The following EDIL3 variants were observed in gnomAD, a reference collection of about 807,000 sequenced individuals.
The protein encoded by EDIL3 is EGF like and discoidin domains 3.
In EDIL3, 37 loss-of-function variants were observed where a neutral mutation model predicts 67.4. That is an observed-to-expected ratio of 0.55 (90% CI 0.42 to 0.72). EDIL3 has a LOEUF of 0.72. Ranked by LOEUF, EDIL3 falls within the 30% of genes least tolerant of loss-of-function variation. The pLI is 0.00. For synonymous variants in EDIL3, 195 were observed against 196.3 expected, an observed-to-expected ratio of 0.99 and a Z score of 0.05; for missense variants, 527 against 586.3, an observed-to-expected ratio of 0.90 and a Z score of 1.04.
At chr5:84,114,544 A>T (rs1052304342) in intron 5 of EDIL3, among the ~76,000 whole-genome samples, 1 of 152,192 alleles carries the variant, frequency 6.6e-6, no homozygotes, top group Non-Finnish European at 1.5e-5. Context: ...GGTGATGTTC[A>T]TCTCTCTCCA....
chr5:84,335,036 T>G (rs1211528970), intron 1 of EDIL3, among the ~76,000 whole-genome samples: 1 of 152,196 alleles, frequency 6.6e-6, no homozygotes, highest in Non-Finnish European at 1.5e-5. Flanking sequence ...GCTAACATAT[T>G]TCACTAAACG....
Position 84,227,130 on chromosome 5 carries a change from G to A in EDIL3, c.226+2725C>T, listed in dbSNP as rs183260869. Among the ~76,000 whole-genome samples the A allele has an allele frequency of 2.3e-3, 346 of 151,994 alleles. 1 individual carries two copies. The highest frequency in any genetic ancestry group is 6.7e-3 in the African/African-American group (280 of 41,494). ...GCTAGAAAATGATGGCTGCTGTCAA[G>A]GATTGACACCCAGAGAGAAAGTCCA... is the stretch of plus-strand genomic sequence containing the variant. On this transcript the variant is annotated intron_variant, in intron 3 of 10. Coordinates refer to ENST00000296591, the MANE Select transcript of EDIL3 (RefSeq NM_005711.5).
In EDIL3 at chr5:84,280,132, A is replaced by T. The variant is rs146149795; in HGVS notation, c.68-25920T>A. ...GTTTCTACATCTTTGCTTTCTATAA[A>T]ATGCCTAGCAAAGAATTGTTTCCTT... is the stretch of plus-strand genomic sequence containing the variant. On this transcript the variant is annotated intron_variant, in intron 1 of 10. Transcript: ENST00000296591. Among the ~76,000 whole-genome samples the T allele has an allele frequency of 3.4e-3, 523 of 152,296 alleles. 1 individual carries two copies. The highest frequency in any genetic ancestry group is 0.011 in the African/African-American group (455 of 41,560).
chr5:84,238,665 GTTT>G (rs3046880), intron 2 of EDIL3, among the ~76,000 whole-genome samples: 4 of 101,110 alleles, frequency 4.0e-5, no homozygotes, highest in Non-Finnish European at 5.5e-5. Flanking sequence ...AAAATTAAAT[GTTT>G]TTTTTTTTTT....
intron 3 of EDIL3, among the ~76,000 whole-genome samples, chr5:84,227,534 C>T (rs1744475622): frequency 6.6e-6 from 1 of 152,096 alleles, no homozygotes; most frequent in East Asian, 1.9e-4. Context: ...TCCCAAAGAA[C>T]TTAAAACAGA....
At chr5:84,303,049 A>G (rs1487280787) in intron 1 of EDIL3, among the ~76,000 whole-genome samples, 1 of 152,166 alleles carries the variant, frequency 6.6e-6, no homozygotes, top group Non-Finnish European at 1.5e-5. Context: ...TATCTAGAAC[A>G]TATCTTTGAG....
At chr5:84,177,457 A>G (rs532738184) in intron 4 of EDIL3, among the ~76,000 whole-genome samples, 19 of 152,316 alleles carry the variant, frequency 1.2e-4, no homozygotes, top group African/African-American at 4.6e-4. Context: ...ATAGGTGTAC[A>G]GGGGATTTTT....
chr5:84,158,182 T>G (rs1352129441), intron 4 of EDIL3, among the ~76,000 whole-genome samples: 1 of 152,064 alleles, frequency 6.6e-6, no homozygotes, highest in Non-Finnish European at 1.5e-5. Flanking sequence ...TCAATTATAT[T>G]GGATAGAGTT....
chr5:84,043,532 C>T (rs1025865434), intron 9 of EDIL3, among the ~76,000 whole-genome samples: 2 of 151,798 alleles, frequency 1.3e-5, no homozygotes, highest in African/African-American at 4.8e-5. Context: ...CATGTTGATG[C>T]AAAAAAAGGC....
At chr5:84,054,413 C>T (rs1746403465) in intron 9 of EDIL3, among the ~76,000 whole-genome samples, 2 of 152,152 alleles carry the variant, frequency 1.3e-5, no homozygotes, top group South Asian at 4.1e-4. Flanking sequence ...CAGGGATGCC[C>T]TCTCTCACCA....
At chr5:84,253,609 A>G (rs1263437256) in intron 2 of EDIL3, among the ~76,000 whole-genome samples, 3 of 152,198 alleles carry the variant, frequency 2.0e-5, no homozygotes, top group African/African-American at 7.2e-5. Flanking sequence ...CATCTGGAAT[A>G]TCCTCTTCTT....
chr5:84,340,554 A>C (rs1374243797), intron 1 of EDIL3, among the ~76,000 whole-genome samples: 103 of 133,998 alleles, frequency 7.7e-4, no homozygotes, highest in Middle Eastern at 3.7e-3. Flanking sequence ...ATATATATAT[A>C]TATATATATA....
At chr5:84,294,257 C>A (rs1580060069) in intron 1 of EDIL3, among the ~76,000 whole-genome samples, 2 of 151,534 alleles carry the variant, frequency 1.3e-5, no homozygotes, top group African/African-American at 4.8e-5. Flanking sequence ...TTGTGGCGGG[C>A]ACCTGTAGTC....
chr5:84,357,517 A>G (rs13152923), intron 1 of EDIL3, among the ~76,000 whole-genome samples: 69,828 of 151,846 alleles, frequency 0.46, 16,230 homozygotes, highest in East Asian at 0.57. Flanking sequence ...TTAAGGTTCT[A>G]TATACTTTTA....
chr5:84,331,948 T>C (rs1037164511), intron 1 of EDIL3, among the ~76,000 whole-genome samples: 2 of 152,188 alleles, frequency 1.3e-5, no homozygotes, highest in Non-Finnish European at 2.9e-5. Context: ...TTGGCAATTA[T>C]GTTGTGAGGC....
At chr5:84,117,722 T>A (rs889850520) in intron 5 of EDIL3, among the ~76,000 whole-genome samples, 14 of 151,736 alleles carry the variant, frequency 9.2e-5, no homozygotes, top group African/African-American at 3.1e-4. Flanking sequence ...ACTTAATACT[T>A]TTTTTTTCAT....
At chr5:84,081,832 TG>T (rs914652919) in intron 6 of EDIL3, among the ~76,000 whole-genome samples, 10 of 151,408 alleles carry the variant, frequency 6.6e-5, no homozygotes, top group African/African-American at 2.2e-4. Context: ...AACAGAGAGA[TG>T]GGGAGGTGCA....
Position 84,167,536 on chromosome 5 carries a change from TTC to T in EDIL3, c.355+12855_355+12856del, listed in dbSNP as rs3836850. On this transcript the variant is annotated intron_variant, in intron 4 of 10. Transcript: ENST00000296591. Reference sequence around the variant, plus strand: ...TAGCACAGATAAAATCAGTATCTATTTCTGTTTTATTTTAGTACCGATTTCTT... The same window carrying T: ...TAGCACAGATAAAATCAGTATCTATTTGTTTTATTTTAGTACCGATTTCTT... Among the ~76,000 whole-genome samples the T allele has an allele frequency of 1.4e-3, 209 of 152,276 alleles. 3 individuals are homozygous for T. In the East Asian group the frequency reaches 0.019, roughly 14 times the overall value.
At chr5:84,149,477 A>C (rs1037398308) in intron 4 of EDIL3, among the ~76,000 whole-genome samples, 6 of 152,176 alleles carry the variant, frequency 3.9e-5, no homozygotes, top group Non-Finnish European at 8.8e-5. Context: ...GATTAAATAA[A>C]TTATTGGTCC....
Sources: gnomAD v4.1 joint callset for allele counts (sites outside exome capture counted in the v4.1 genomes callset) on GRCh38, gnomAD v4.1.1 for gene constraint, MANE v1.5 for transcripts, NCBI Gene and HGNC (gene_info 2026-07-23, HGNC 2026-07-21) for gene names.